The following FRAS1 variants were observed in gnomAD, a reference collection of about 807,000 sequenced individuals.
FRAS1 encodes the protein Fraser extracellular matrix complex subunit 1.
FRAS1 carries 290 observed loss-of-function variants against 435.2 expected under a neutral mutation model. The ratio of observed to expected loss-of-function variants is 0.67; its 90% CI spans 0.61 to 0.73. FRAS1 has a LOEUF of 0.73. FRAS1 is among the 30% of genes least tolerant of loss of function. The pLI, the probability that FRAS1 is intolerant of heterozygous loss-of-function variation, is 0.00. For missense variants in FRAS1, 4,860 were observed against 5,001.5 expected (o/e 0.97, Z 0.85); for synonymous variants, 1,800 against 1,851.0 (o/e 0.97, Z 0.71).
At chr4:78,241,122 A>C (rs943565995) in intron 3 of FRAS1, among the ~76,000 whole-genome samples, 7 of 152,162 alleles carry the variant, frequency 4.6e-5, no homozygotes, top group South Asian at 2.1e-4. Flanking sequence ...AATAAAGGCC[A>C]TCCTTTCAGG....
intron 2 of FRAS1, among the ~76,000 whole-genome samples, chr4:78,235,863 C>G (rs562437215): frequency 3.7e-4 from 57 of 152,270 alleles, no homozygotes; most frequent in Admixed American, 6.5e-4. Context: ...GTGGGAGGAT[C>G]AGTTGAGCCT....
Position 78,363,555 on chromosome 4 carries a change from A to G in FRAS1, c.2465A>G (p.Asn822Ser). ...LCQHCAADLH[N>S]TGSICLRCQN... is the part of the protein sequence containing the mutation. ...CAGCACTGTGCAGCTGATCTCCACA[A>G]CACTGGGAGCATCTGCCTCAGGTGC... The change falls in exon 21 of 74, where the codon AAC (asparagine) becomes AGC (serine). Residue 822 changes from asparagine to serine, a missense_variant. Transcript: ENST00000512123. 6.2e-7 allele frequency: 1 copy of G among 1,613,378 alleles called. No individual in the cohort carries two copies. The highest frequency in any genetic ancestry group is 8.5e-7 in the Non-Finnish European group (1 of 1,179,706).
At chr4:78,189,406 C>CT (rs1172895598) in intron 2 of FRAS1, among the ~76,000 whole-genome samples, 1 of 152,198 alleles carries the variant, frequency 6.6e-6, no homozygotes, top group Non-Finnish European at 1.5e-5. Flanking sequence ...TTCTTGATCA[C>CT]TTTCGTTGAA....
chr4:78,277,167 C>T (rs12502685), intron 9 of FRAS1, among the ~76,000 whole-genome samples: 46,356 of 152,086 alleles, frequency 0.3, 7,421 homozygotes, highest in East Asian at 0.38. Context: ...ATTGGAAAAG[C>T]GCAGTATTAG....
At chr4:78,241,274 C>G (rs1217605862) in intron 3 of FRAS1, among the ~76,000 whole-genome samples, 1 of 152,158 alleles carries the variant, frequency 6.6e-6, no homozygotes, top group African/African-American at 2.4e-5. Flanking sequence ...CCTATTCATA[C>G]CCCTTGACTA....
chr4:78,484,155 G>T (rs527286323), intron 58 of FRAS1, among the ~76,000 whole-genome samples: 17 of 152,116 alleles, frequency 1.1e-4, no homozygotes, highest in African/African-American at 4.1e-4. Flanking sequence ...TAATATCTAT[G>T]ATTTTGCATC....
At position 78,369,819 on chromosome 4, in the gene FRAS1, T is replaced by C; in HGVS notation, c.2723-19T>C. 1 of 1,602,276 alleles carries C rather than the reference T, an allele frequency of 6.2e-7. No individual in the cohort carries two copies. The highest frequency in any genetic ancestry group is 1.3e-5 in the African/African-American group (1 of 74,660). ...TGCAATTGTAATCATCTGGTCATTT[T>C]CTTTTCCTGTCTGCTCAGCATGCAA... On this transcript the variant is annotated intron_variant, in intron 22 of 73. Transcript: ENST00000512123.
rs368490722 is a variant in FRAS1, at chr4:78,308,054, A to C, written c.1535-12A>C. 3 of 1,581,360 alleles carry C rather than the reference A, an allele frequency of 1.9e-6. No individual in the cohort carries two copies. Among genetic ancestry groups the C allele is most frequent in the East Asian group, 2.3e-5 (1 of 44,308 alleles). On this transcript the variant is annotated splice_polypyrimidine_tract_variant and intron_variant, in intron 14 of 73. Coordinates refer to ENST00000512123, the MANE Select transcript of FRAS1 (RefSeq NM_025074.7). Reference sequence around the variant, plus strand: ...CCGTAGATTACTCACTGATTTTGCTATTCGTCTGCAGTCTGCCATGAGTCC... The same window carrying C: ...CCGTAGATTACTCACTGATTTTGCTCTTCGTCTGCAGTCTGCCATGAGTCC...
chr4:78,126,685 T>C (rs1578141451), intron 2 of FRAS1, among the ~76,000 whole-genome samples: 2 of 152,252 alleles, frequency 1.3e-5, no homozygotes, highest in African/African-American at 4.8e-5. Context: ...TCTTTTGTTT[T>C]ATTTTTAATC....
chr4:78,181,324 G>A (rs989269015), intron 2 of FRAS1: 12 of 1,608,664 alleles, frequency 7.5e-6, no homozygotes, highest in African/African-American at 1.3e-5. Flanking sequence ...CAGGTGTTTC[G>A]TCAGTCACAT....
At chr4:78,202,144 C>A (rs1723074018) in intron 2 of FRAS1, among the ~76,000 whole-genome samples, 2 of 152,112 alleles carry the variant, frequency 1.3e-5, no homozygotes, top group African/African-American at 4.8e-5. Flanking sequence ...TTATCCAGCC[C>A]CAAATGTCAA....
intron 2 of FRAS1, among the ~76,000 whole-genome samples, chr4:78,235,138 G>A (rs1365450060): frequency 6.6e-6 from 1 of 152,104 alleles, no homozygotes; most frequent in Non-Finnish European, 1.5e-5. Flanking sequence ...CTAACTGATT[G>A]GATGAGTCCA....
intron 2 of FRAS1, among the ~76,000 whole-genome samples, chr4:78,105,593 G>A (rs1742369379): frequency 6.6e-6 from 1 of 152,170 alleles, no homozygotes; most frequent in African/African-American, 2.4e-5. Context: ...AGAGATGGGG[G>A]AGAGGATGTG....
intron 70 of FRAS1, among the ~76,000 whole-genome samples, chr4:78,530,730 T>C (rs910057576): frequency 5.3e-5 from 8 of 152,334 alleles, no homozygotes; most frequent in African/African-American, 1.9e-4. Flanking sequence ...CATGCTGTTT[T>C]GGTTACTGTA....
intron 12 of FRAS1, among the ~76,000 whole-genome samples, chr4:78,283,467 G>T (rs1727426654): frequency 6.6e-6 from 1 of 152,178 alleles, no homozygotes; most frequent in African/African-American, 2.4e-5. Context: ...TACTTGTTCT[G>T]CAATTCTGCT....
In FRAS1 at chr4:78,489,012, G is replaced by A; in HGVS notation, c.8890G>A (p.Val2964Ile). 1.9e-6 allele frequency: 3 copies of A among 1,613,740 alleles called. No homozygotes were observed. The highest frequency in any genetic ancestry group is 2.5e-6 in the Non-Finnish European group (3 of 1,179,740). The change falls in exon 59 of 74, where the codon GTC (valine) becomes ATC (isoleucine). Residue 2964 changes from valine to isoleucine, a missense_variant. Physicochemically the swap from Val to Ile is conservative, Grantham distance 29. Coordinates refer to ENST00000512123, the MANE Select transcript of FRAS1 (RefSeq NM_025074.7). Reference sequence around the variant, plus strand: ...CTATACTCAGAGCCATTCCGCTCAGGTCATGGAGGACTTTGAGGAGAGACA... The same window carrying A: ...CTATACTCAGAGCCATTCCGCTCAGATCATGGAGGACTTTGAGGAGAGACA... ...RCYTQSHSAQ[V>I]MEDFEERQNA...
rs1256277263 is a variant in FRAS1 at position 78,290,100 on chromosome 4, C to A, written c.1534+3561C>A. ...GCACACAAATCTTAGATACGAGAGT[C>A]CATAAGAAAAAAAGCTAAAACAACC... On this transcript the variant is annotated intron_variant, in intron 14 of 73. Transcript: ENST00000512123. Among the ~76,000 whole-genome samples, 3 of 151,972 alleles carry A rather than the reference C, an allele frequency of 2.0e-5. No individual in the cohort carries two copies. The East Asian group carries it at 5.8e-4, about 29-fold the overall frequency.
intron 47 of FRAS1, among the ~76,000 whole-genome samples, chr4:78,458,118 C>T (rs1001609121): frequency 5.3e-5 from 8 of 152,216 alleles, no homozygotes; most frequent in African/African-American, 1.7e-4. Flanking sequence ...ATAAATCAGA[C>T]AACCCTAGAG....
intron 8 of FRAS1, 98 bp downstream of exon 8, chr4:78,267,033 T>C (rs1434401060): frequency 1.0e-6 from 1 of 978,752 alleles, no homozygotes; most frequent in African/African-American, 1.7e-5. Flanking sequence ...GAATCAAAAG[T>C]TTTATAATGT....
Sources: allele counts gnomAD v4.1 joint callset (sites outside exome capture counted in the v4.1 genomes callset), GRCh38; gene constraint gnomAD v4.1.1; transcripts MANE v1.5; gene names NCBI Gene and HGNC (gene_info 2026-07-23, HGNC 2026-07-21).